Variants in BARX2 observed in about 807,000 individuals in gnomAD.
BARX2 encodes the protein BARX homeobox 2, also known as homeobox protein BarH-like 2.
Under a neutral mutation model 25.5 loss-of-function variants are expected in BARX2, and 11 were observed. The observed-to-expected ratio is 0.43, with a 90% CI of 0.27 to 0.71. The LOEUF is 0.71. Among genes scored for constraint, BARX2 ranks in the 30% least tolerant of loss-of-function variants. The pLI is 0.19. For synonymous variants in BARX2, 137 were observed against 149.5 expected (o/e 0.92, Z 0.61); for missense variants, 360 against 359.9 (o/e 1.00, Z 0.00).
chr11:129,402,688 G>T (rs935320950), intron 1 of BARX2, among the ~76,000 whole-genome samples: 1 of 152,232 alleles, frequency 6.6e-6, no homozygotes, highest in African/African-American at 2.4e-5. Flanking sequence ...TCAGTGGTCA[G>T]AGGATTAACT....
intron 1 of BARX2, among the ~76,000 whole-genome samples, chr11:129,416,054 A>G (rs921714191): frequency 1.3e-5 from 2 of 152,186 alleles, no homozygotes; most frequent in African/African-American, 2.4e-5. Flanking sequence ...TTTGACTTTT[A>G]TAGGAAAGGT....
intron 2 of BARX2, among the ~76,000 whole-genome samples, chr11:129,440,746 T>C (rs56709695): frequency 0.25 from 38,310 of 151,782 alleles, 5,989 homozygotes; most frequent in African/African-American, 0.45. Flanking sequence ...GCACCTGAGA[T>C]CATCAGGGCC....
At chr11:129,413,657 G>T (rs981706504) in intron 1 of BARX2, among the ~76,000 whole-genome samples, 25 of 152,128 alleles carry the variant, frequency 1.6e-4, no homozygotes, top group African/African-American at 5.8e-4. Context: ...AGTGGTCAAG[G>T]CATGAAGCTT....
intron 1 of BARX2, among the ~76,000 whole-genome samples, chr11:129,428,275 A>G (rs1862089578): frequency 6.6e-6 from 1 of 152,240 alleles, no homozygotes; most frequent in Admixed American, 6.5e-5. Context: ...GATCTAGGGT[A>G]GCAGGGCAGC....
intron 1 of BARX2, among the ~76,000 whole-genome samples, chr11:129,402,708 ACT>A (rs796091648): frequency 3.9e-5 from 6 of 152,326 alleles, no homozygotes; most frequent in African/African-American, 1.4e-4. Flanking sequence ...TGGTTGGTTA[ACT>A]CTCTTTGTCT....
chr11:129,436,987 G>A lies in BARX2; in HGVS notation c.424G>A (p.Glu142Lys), dbSNP rs935941057. 8.7e-6 allele frequency: 14 copies of A among 1,607,872 alleles called. No individual in the cohort carries two copies. Among genetic ancestry groups the A allele is most frequent in the Non-Finnish European group, 1.1e-5 (13 of 1,175,874 alleles). ...KPRRSRTIFT[E>K]LQLMGLEKKF... ...CCGCCGGAGTCGCACCATCTTCACC[G>A]AGCTGCAGCTCATGGGCCTGGAGAA... is the stretch of plus-strand genomic sequence containing the variant. The change falls in exon 2 of 4, where the codon GAG becomes AAG. Residue 142 changes from glutamate (E) to lysine (K), a missense_variant. Coordinates refer to ENST00000281437, the MANE Select transcript of BARX2 (RefSeq NM_003658.5). The surrounding 1 kb of genome is among the most constrained non-coding windows in gnomAD (Gnocchi z 4.5).
At chr11:129,442,953 T>G in intron 3 of BARX2, 34 bp downstream of exon 3, 1 of 1,553,126 alleles carries the variant, frequency 6.4e-7, no homozygotes, top group Non-Finnish European at 8.9e-7. Context: ...GATCCCTTCC[T>G]GATGGGAAGG....
rs1591444068 is a variant in BARX2, at chr11:129,432,313, C to T, written c.188-4438C>T. On this transcript the variant is annotated intron_variant, in intron 1 of 3. Coordinates refer to ENST00000281437, the MANE Select transcript of BARX2 (RefSeq NM_003658.5). ...CTGACCTCAAGTAATCTGCCCACCTCGGCCTCCCAAAGTGCTAGGATTACA... is the reference window on the plus strand; with the variant it reads ...CTGACCTCAAGTAATCTGCCCACCTTGGCCTCCCAAAGTGCTAGGATTACA... Among the ~76,000 whole-genome samples, 6 of 152,288 alleles carry T rather than the reference C, an allele frequency of 3.9e-5. No homozygotes were observed. The South Asian group carries it at 1.0e-3, about 26-fold the overall frequency.
At chr11:129,384,264 T>G (rs571298399) in intron 1 of BARX2, among the ~76,000 whole-genome samples, 2 of 152,236 alleles carry the variant, frequency 1.3e-5, no homozygotes, top group South Asian at 4.2e-4. Flanking sequence ...ACATATGCAT[T>G]TGGTAAGTGA....
chr11:129,380,713 C>G (rs1197447413), intron 1 of BARX2, among the ~76,000 whole-genome samples: 2 of 152,198 alleles, frequency 1.3e-5, no homozygotes, highest in Non-Finnish European at 2.9e-5. Flanking sequence ...TGGGACTCAT[C>G]CAGGGTCAGT....
chr11:129,430,256 T>C (rs1490566122), intron 1 of BARX2, among the ~76,000 whole-genome samples: 2 of 151,860 alleles, frequency 1.3e-5, no homozygotes, highest in Admixed American at 6.6e-5. Context: ...AGTCAATATA[T>C]GGTGTTAGGG....
At chr11:129,412,866 A>G (rs1407753245) in intron 1 of BARX2, among the ~76,000 whole-genome samples, 1 of 152,238 alleles carries the variant, frequency 6.6e-6, no homozygotes, top group East Asian at 1.9e-4. Context: ...CCCTAAAATA[A>G]GTTCTGAAGA....
intron 3 of BARX2, among the ~76,000 whole-genome samples, chr11:129,447,647 A>G (rs1344940800): frequency 6.6e-6 from 1 of 152,110 alleles, no homozygotes; most frequent in Admixed American, 6.5e-5. Flanking sequence ...GTTTTATTCC[A>G]TTTAGAAAAT....
At position 129,436,838 on chromosome 11, in the gene BARX2, GA is replaced by G; in HGVS notation, c.277del (p.Ile93SerfsTer24). The G allele has an allele frequency of 6.2e-7, 1 of 1,613,882 alleles. No individual in the cohort carries two copies. The highest frequency in any genetic ancestry group is 8.5e-7 in the Non-Finnish European group (1 of 1,179,944). ...VISHLVPATP[G>X]IAQALSCHQV... Reference sequence around the variant, plus strand: ...TCCCACCTGGTCCCTGCCACCCCGGGAATCGCCCAGGCACTGTCCTGCCACC... The same window carrying G: ...TCCCACCTGGTCCCTGCCACCCCGGGATCGCCCAGGCACTGTCCTGCCACC... On this transcript the variant is annotated frameshift_variant, in exon 2 of 4. Coordinates refer to ENST00000281437, the MANE Select transcript of BARX2 (RefSeq NM_003658.5). LOFTEE classifies it high-confidence loss of function. This position sits in a 1 kb window ranked among gnomAD's most constrained non-coding sequence, Gnocchi z 4.5.
chr11:129,375,984 G>T lies in BARX2; in HGVS notation c.-52G>T. The T allele has an allele frequency of 8.7e-7, 1 of 1,147,994 alleles. No individual in the cohort carries two copies. The highest frequency in any genetic ancestry group is 4.8e-5 in the Admixed American group (1 of 20,926). 71.1% of individuals were successfully genotyped at this position (1,147,994 alleles called of 1,614,324 possible). On this transcript the variant is annotated 5_prime_UTR_variant, in exon 1 of 4. Transcript: ENST00000281437. This position sits in a 1 kb window ranked among gnomAD's most constrained non-coding sequence, Gnocchi z 4.0. The stretch of plus-strand genomic sequence containing the variant: ...CGCGCCAGCCCCGCGGCCCCAGCGG[G>T]CCGGGCACTCGCAGCCGCGCTCGGG...
At chr11:129,394,241 T>C (rs750202997) in intron 1 of BARX2, among the ~76,000 whole-genome samples, 1 of 152,242 alleles carries the variant, frequency 6.6e-6, no homozygotes, top group African/African-American at 2.4e-5. Flanking sequence ...CTCATTTTCA[T>C]TGATAGAGTG....
At chr11:129,450,686 CAAA>C (rs1862387596) in intron 3 of BARX2, among the ~76,000 whole-genome samples, 1 of 152,130 alleles carries the variant, frequency 6.6e-6, no homozygotes, top group Non-Finnish European at 1.5e-5. Context: ...CTTTCTGTGT[CAAA>C]AAGCCATGCA....
At chr11:129,399,729 T>C (rs1257058638) in intron 1 of BARX2, among the ~76,000 whole-genome samples, 5 of 152,186 alleles carry the variant, frequency 3.3e-5, no homozygotes, top group African/African-American at 9.7e-5. Context: ...ATACCCCCTT[T>C]TAATTATATG....
intron 1 of BARX2, among the ~76,000 whole-genome samples, chr11:129,397,121 C>CA (rs1456956420): frequency 2.0e-5 from 3 of 151,928 alleles, no homozygotes; most frequent in Non-Finnish European, 4.4e-5. Context: ...ATCATCTCTA[C>CA]AAAAAATCAA....
Sources: allele counts gnomAD v4.1 joint callset (sites outside exome capture counted in the v4.1 genomes callset), GRCh38; gene constraint gnomAD v4.1.1; non-coding constraint Gnocchi (gnomAD v3.1); transcripts MANE v1.5; gene names NCBI Gene and HGNC (gene_info 2026-07-23, HGNC 2026-07-21).